The following DHRSX variants were observed in gnomAD, a reference collection of about 807,000 sequenced individuals.
DHRSX encodes dehydrogenase/reductase X-linked, also known as polyprenol dehydrogenase.
DHRSX carries 31 observed loss-of-function variants against 34.0 expected under a neutral mutation model. That is an observed-to-expected ratio of 0.91 (90% CI 0.69 to 1.23). DHRSX has a LOEUF of 1.23. Among genes scored for constraint, DHRSX ranks in the 50% most tolerant of loss-of-function variants. The pLI is 0.00. For synonymous variants in DHRSX, 201 were observed against 183.8 expected (o/e 1.09, Z -0.76); for missense variants, 414 against 428.1 (o/e 0.97, Z 0.29).
intron 3 of DHRSX, among the ~76,000 whole-genome samples, chrX:2,386,097 TTTCCAGA>T: frequency 6.6e-6 from 1 of 152,286 alleles, no homozygotes; most frequent in African/African-American, 2.4e-5. Flanking sequence ...GGGTCAACAG[TTTCCAGA>T]TTCTTGATCT....
intron 3 of DHRSX, among the ~76,000 whole-genome samples, chrX:2,326,682 T>G (rs1389984267): frequency 1.3e-5 from 2 of 152,166 alleles, no homozygotes; most frequent in East Asian, 3.9e-4. Context: ...CTTTGCAATA[T>G]TCCTAGGGAG....
At chrX:2,464,340 G>A (rs7061753) in intron 1 of DHRSX, among the ~76,000 whole-genome samples, 28,872 of 89,254 alleles carry the variant, frequency 0.32, 4,181 homozygotes, top group African/African-American at 0.59. Context: ...CTAGCAATCC[G>A]GCCAAGGGCC....
chrX:2,289,672 G>A (rs2041844518), intron 4 of DHRSX, among the ~76,000 whole-genome samples: 1 of 151,856 alleles, frequency 6.6e-6, no homozygotes, highest in African/African-American at 2.4e-5. Flanking sequence ...GCCTCTAAGT[G>A]GTCTCCACAT....
intron 3 of DHRSX, among the ~76,000 whole-genome samples, chrX:2,382,389 C>G (rs2043212558): frequency 6.6e-6 from 1 of 152,138 alleles, no homozygotes; most frequent in African/African-American, 2.4e-5. Context: ...AAGATTGTTT[C>G]AGGAAAAGGG....
At chrX:2,462,457 C>A (rs1282603605) in intron 1 of DHRSX, among the ~76,000 whole-genome samples, 1 of 152,034 alleles carries the variant, frequency 6.6e-6, no homozygotes, top group East Asian at 1.9e-4. Context: ...ATCGCTTGAA[C>A]CTGGGAGGTG....
At chrX:2,276,733 CAGAG>C (rs113463536) in intron 4 of DHRSX, among the ~76,000 whole-genome samples, 31 of 146,456 alleles carry the variant, frequency 2.1e-4, no homozygotes, top group Admixed American at 8.9e-4. Context: ...AAAGGGCAAT[CAGAG>C]AGAGAGAGAG....
chrX:2,436,928 A>T (rs1035542487), intron 1 of DHRSX, among the ~76,000 whole-genome samples: 5 of 151,942 alleles, frequency 3.3e-5, no homozygotes, highest in South Asian at 4.2e-4. Context: ...CAGGCTACAG[A>T]CCCCACCGTC....
intron 3 of DHRSX, among the ~76,000 whole-genome samples, chrX:2,369,488 G>GTT (rs67165330): frequency 4.0e-5 from 6 of 150,954 alleles, no homozygotes; most frequent in African/African-American, 1.2e-4. Context: ...TTTAGTTTTT[G>GTT]TTTTTTTTTG....
intron 3 of DHRSX, chrX:2,334,269 T>C (rs1305355286): frequency 1.3e-5 from 2 of 149,590 alleles, no homozygotes; most frequent in Non-Finnish European, 3.0e-5. Context: ...GTTCAAGTGA[T>C]TCTCCCTGCC....
chrX:2,355,303 G>A (rs1324314278), intron 3 of DHRSX, among the ~76,000 whole-genome samples: 1 of 152,096 alleles, frequency 6.6e-6, no homozygotes, highest in Non-Finnish European at 1.5e-5. Flanking sequence ...CTTGAGCTCA[G>A]GAGTTTGAGA....
intron 3 of DHRSX, among the ~76,000 whole-genome samples, chrX:2,340,855 G>A (rs2042632051): frequency 6.6e-6 from 1 of 152,092 alleles, no homozygotes; most frequent in Admixed American, 6.6e-5. Flanking sequence ...ACCAGCCAAC[G>A]AGCTGGTGTT....
intron 1 of DHRSX, among the ~76,000 whole-genome samples, chrX:2,455,897 C>A (rs1282280380): frequency 1.3e-5 from 2 of 151,930 alleles, no homozygotes; most frequent in African/African-American, 4.8e-5. Flanking sequence ...ACGACACCAA[C>A]GTTGAGTGTC....
At chrX:2,426,177 T>C (rs1225610355) in intron 1 of DHRSX, among the ~76,000 whole-genome samples, 2 of 152,154 alleles carry the variant, frequency 1.3e-5, no homozygotes, top group Non-Finnish European at 2.9e-5. Flanking sequence ...ATGAAAGTCA[T>C]GCATCAGAAC....
At chrX:2,349,202 G>A (rs1464381077) in intron 3 of DHRSX, among the ~76,000 whole-genome samples, 1 of 152,108 alleles carries the variant, frequency 6.6e-6, no homozygotes, top group African/African-American at 2.4e-5. Context: ...GCACCCCCAT[G>A]TTTATGGCAG....
intron 1 of DHRSX, among the ~76,000 whole-genome samples, chrX:2,436,461 A>AT (rs2043992226): frequency 9.3e-5 from 12 of 129,272 alleles, no homozygotes; most frequent in African/African-American, 2.5e-4. Flanking sequence ...TTGCAGCAAC[A>AT]TATTATTATT....
chrX:2,389,928 G>A (rs1181893663), intron 3 of DHRSX, among the ~76,000 whole-genome samples: 1 of 151,910 alleles, frequency 6.6e-6, no homozygotes, highest in Non-Finnish European at 1.5e-5. Flanking sequence ...TTACAGGCTT[G>A]AGCCACCATG....
At chrX:2,434,401 G>C (rs887899887) in intron 1 of DHRSX, among the ~76,000 whole-genome samples, 1 of 152,208 alleles carries the variant, frequency 6.6e-6, no homozygotes, top group Non-Finnish European at 1.5e-5. Flanking sequence ...AGGCCTGGTA[G>C]CTTATGCCTG....
intron 1 of DHRSX, among the ~76,000 whole-genome samples, chrX:2,461,116 T>C (rs774143748): frequency 2.6e-5 from 4 of 152,182 alleles, no homozygotes; most frequent in South Asian, 2.1e-4. Flanking sequence ...CTTTTAAAAC[T>C]TAAACATAAT....
chrX:2,275,461 A>C (rs2041614657), intron 4 of DHRSX, among the ~76,000 whole-genome samples: 1 of 151,646 alleles, frequency 6.6e-6, no homozygotes, highest in African/African-American at 2.4e-5. Flanking sequence ...GTGAGCTGAT[A>C]TCGTGCACTG....
Sources: allele counts gnomAD v4.1 joint callset (sites outside exome capture counted in the v4.1 genomes callset), GRCh38; gene constraint gnomAD v4.1.1; transcripts MANE v1.5; gene names NCBI Gene and HGNC (gene_info 2026-07-23, HGNC 2026-07-21).